The following RBFOX1 variants were observed in gnomAD, a reference collection of about 807,000 sequenced individuals.
RBFOX1 encodes RNA binding protein fox-1 homolog 1.
A neutral mutation model predicts 57.7 loss-of-function variants in RBFOX1; 8 were observed. That is an observed-to-expected ratio of 0.14 (90% CI 0.08 to 0.25). RBFOX1 has a LOEUF of 0.25. Ranked by LOEUF, RBFOX1 falls within the 10% of genes least tolerant of loss-of-function variation. The pLI, the probability that RBFOX1 is intolerant of heterozygous loss-of-function variation, is 1.00. For missense variants in RBFOX1, 611 were observed against 548.5 expected (o/e 1.11, Z -1.14); for synonymous variants, 326 against 222.4 (o/e 1.47, Z -4.15).
intron 2 of RBFOX1, among the ~76,000 whole-genome samples, chr16:5,525,632 G>A (rs1389837211): frequency 2.0e-5 from 3 of 151,386 alleles, no homozygotes; most frequent in Non-Finnish European, 4.4e-5. Flanking sequence ...TGAGTAGCTG[G>A]GATTACAGGC....
At position 6,146,847 on chromosome 16, in the gene RBFOX1, G is replaced by A. The variant is rs569413668; in HGVS notation, c.-127+126855G>A. ...GTGGCGATTCAAGCTCCACCTCGTTGCAGAAACATGGGCAGTAAAACTGTT... is the reference window on the plus strand; with the variant it reads ...GTGGCGATTCAAGCTCCACCTCGTTACAGAAACATGGGCAGTAAAACTGTT... On this transcript the variant is annotated intron_variant, in intron 1 of 15. Transcript: ENST00000550418. 5.3e-5 allele frequency among the ~76,000 whole-genome samples: 8 copies of A among 152,276 alleles called. No individual in the cohort carries two copies. The South Asian group carries it at 6.2e-4, about 12-fold the overall frequency.
chr16:6,630,515 A>T (rs1239210662), intron 2 of RBFOX1, among the ~76,000 whole-genome samples: 2 of 152,172 alleles, frequency 1.3e-5, no homozygotes, highest in African/African-American at 4.8e-5. Flanking sequence ...TTTCGTACTT[A>T]AAACAGCCTG....
chr16:7,041,734 A>G (rs1457206189), intron 3 of RBFOX1, among the ~76,000 whole-genome samples: 3 of 152,216 alleles, frequency 2.0e-5, no homozygotes, highest in Non-Finnish European at 2.9e-5. Context: ...CTCTTGGGGA[A>G]CAAAGCCAGG....
chr16:6,508,183 G>C (rs936307194), intron 2 of RBFOX1, among the ~76,000 whole-genome samples: 6 of 152,106 alleles, frequency 3.9e-5, no homozygotes, highest in African/African-American at 1.4e-4. Context: ...TGGACACATA[G>C]AGTGAAACAA....
intron 4 of RBFOX1, among the ~76,000 whole-genome samples, chr16:7,109,896 A>G (rs2064341204): frequency 6.6e-6 from 1 of 152,138 alleles, no homozygotes; most frequent in East Asian, 1.9e-4. Flanking sequence ...ATTTCATGCA[A>G]GGGAAAGAGC....
At position 6,976,796 on chromosome 16, in the gene RBFOX1, A is replaced by C. The variant is rs532360676; in HGVS notation, c.-15-75261A>C. 6.3e-5 allele frequency among the ~76,000 whole-genome samples: 7 copies of C among 111,240 alleles called. No individual in the cohort carries two copies. The East Asian group carries it at 2.3e-3, about 36-fold the overall frequency. 73.0% of individuals were successfully genotyped at this position (111,240 alleles called of 152,430 possible). A position where few individuals can be genotyped will look rare whatever the true frequency, so the allele number is the denominator to read the frequency against. On this transcript the variant is annotated intron_variant, in intron 3 of 15. Coordinates refer to ENST00000550418, the MANE Select transcript of RBFOX1 (RefSeq NM_018723.4). ...GACATATCAATATATTATATATATG[A>C]TATATGAGATATAAATGATCTAGAT...
intron 4 of RBFOX1, among the ~76,000 whole-genome samples, chr16:7,505,499 T>G (rs1839763989): frequency 6.6e-6 from 1 of 152,230 alleles, no homozygotes; most frequent in South Asian, 2.1e-4. Context: ...CCTTTGGAAT[T>G]ATCACCTCAG....
At chr16:7,678,595 C>T (rs2073982963) in intron 14 of RBFOX1, among the ~76,000 whole-genome samples, 1 of 151,638 alleles carries the variant, frequency 6.6e-6, no homozygotes. Context: ...TCTTGCTTTT[C>T]AGTATAAGTG....
At chr16:6,505,842 C>T (rs1311401488) in intron 2 of RBFOX1, among the ~76,000 whole-genome samples, 1 of 152,182 alleles carries the variant, frequency 6.6e-6, no homozygotes. Context: ...CCAGGTCCTA[C>T]TCAGTGTTGG....
chr16:7,207,467 C>T (rs2090224974), intron 4 of RBFOX1, among the ~76,000 whole-genome samples: 1 of 152,146 alleles, frequency 6.6e-6, no homozygotes, highest in Admixed American at 6.5e-5. Context: ...AAACCACATC[C>T]AGTGCAACCC....
At chr16:7,502,916 G>C (rs187252573) in intron 4 of RBFOX1, among the ~76,000 whole-genome samples, 137 of 152,186 alleles carry the variant, frequency 9.0e-4, no homozygotes, top group African/African-American at 3.1e-3. Flanking sequence ...CTAGCTACTC[G>C]GGAGCCTGAG....
intron 13 of RBFOX1, among the ~76,000 whole-genome samples, chr16:7,672,185 A>G (rs1006496956): frequency 2.6e-5 from 4 of 152,212 alleles, no homozygotes; most frequent in Admixed American, 6.5e-5. Context: ...TCTCACTGCT[A>G]AAGCAACCAC....
chr16:5,827,402 G>GAAAA lies in RBFOX1; in HGVS notation c.319-39901_319-39900insAAAA, dbSNP rs374545272. Among the ~76,000 whole-genome samples the GAAAA allele has an allele frequency of 2.6e-4, 26 of 100,454 alleles. 2 individuals carry two copies. The highest frequency in any genetic ancestry group is 3.7e-4 in the African/African-American group (10 of 27,112). 65.9% of individuals were successfully genotyped at this position (100,454 alleles called of 152,430 possible). ...ATGACAGAGCAAGACTCCATCTCAGGGAAAAAAAAAAAAAAAAAAGAAAAG... is the reference window on the plus strand; with the variant it reads ...ATGACAGAGCAAGACTCCATCTCAGGAAAAGAAAAAAAAAAAAAAAAAAGAAAAG... On this transcript the variant is annotated intron_variant, in intron 3 of 19. Coordinates refer to the RBFOX1 transcript ENST00000641259.
chr16:5,332,308 C>T (rs1035889136), intron 1 of RBFOX1, among the ~76,000 whole-genome samples: 22 of 152,122 alleles, frequency 1.4e-4, no homozygotes, highest in African/African-American at 5.1e-4. Context: ...CCCTCTGTCA[C>T]CCAGGCTGGA....
At chr16:6,691,963 G>A (rs1219599790) in intron 3 of RBFOX1, among the ~76,000 whole-genome samples, 1 of 152,168 alleles carries the variant, frequency 6.6e-6, no homozygotes, top group Non-Finnish European at 1.5e-5. Context: ...GCCTTTTGAA[G>A]CTGGAAAAGT....
intron 4 of RBFOX1, among the ~76,000 whole-genome samples, chr16:7,271,672 C>G (rs564075894): frequency 1.8e-4 from 27 of 152,124 alleles, no homozygotes; most frequent in African/African-American, 6.5e-4. Context: ...GGCTCAAATG[C>G]CAGATGTCGG....
At chr16:7,373,291 A>T (rs1250963874) in intron 4 of RBFOX1, among the ~76,000 whole-genome samples, 1 of 152,160 alleles carries the variant, frequency 6.6e-6, no homozygotes, top group African/African-American at 2.4e-5. Context: ...CCTAAGGAAC[A>T]TACGTTACAT....
intron 4 of RBFOX1, among the ~76,000 whole-genome samples, chr16:5,950,235 C>A (rs546521379): frequency 5.6e-4 from 85 of 152,326 alleles, no homozygotes; most frequent in Non-Finnish European, 5.3e-4. Context: ...GCAGAACATT[C>A]ACTAAGCATA....
At chr16:6,986,499 C>T (rs1436851266) in intron 3 of RBFOX1, among the ~76,000 whole-genome samples, 1 of 152,154 alleles carries the variant, frequency 6.6e-6, no homozygotes, top group Non-Finnish European at 1.5e-5. Flanking sequence ...ACGTCCAGCC[C>T]CAGGCTGGTT....
Sources: gnomAD v4.1 joint callset for allele counts (sites outside exome capture counted in the v4.1 genomes callset) on GRCh38, gnomAD v4.1.1 for gene constraint, MANE v1.5 for transcripts, NCBI Gene and HGNC (gene_info 2026-07-23, HGNC 2026-07-21) for gene names.